ZNF385B: variants seen among roughly 807,000 people sequenced by gnomAD.
ZNF385B encodes zinc finger protein 533.
Under a neutral mutation model 39.2 loss-of-function variants are expected in ZNF385B, and 23 were observed. The observed-to-expected ratio is 0.59, with a 90% CI of 0.42 to 0.83. The LOEUF (loss-of-function observed/expected upper bound fraction) is 0.83. ZNF385B is among the 40% of genes least tolerant of loss of function. The pLI is 0.00. For synonymous variants in ZNF385B, 205 were observed against 222.6 expected (o/e 0.92, Z 0.70); for missense variants, 552 against 598.9 (o/e 0.92, Z 0.82).
chr2:179,677,747 C>G (rs935584299), intron 3 of ZNF385B, among the ~76,000 whole-genome samples: 6 of 152,126 alleles, frequency 3.9e-5, no homozygotes, highest in African/African-American at 1.4e-4. Flanking sequence ...AATCTCTCTT[C>G]TACATAAACA....
chr2:179,777,678 G>C (rs1704410332), intron 1 of ZNF385B, among the ~76,000 whole-genome samples: 1 of 151,724 alleles, frequency 6.6e-6, no homozygotes, highest in African/African-American at 2.4e-5. Flanking sequence ...CAAAAGACCA[G>C]CTTTGCTACC....
At chr2:179,662,769 A>G (rs193059416) in intron 3 of ZNF385B, among the ~76,000 whole-genome samples, 1 of 152,070 alleles carries the variant, frequency 6.6e-6, no homozygotes, top group East Asian at 1.9e-4. Flanking sequence ...TTCCACTAAT[A>G]TTTGCTTTTT....
At chr2:179,757,047 TAGAATTTTC>T (rs1703073361) in intron 3 of ZNF385B, among the ~76,000 whole-genome samples, 1 of 152,206 alleles carries the variant, frequency 6.6e-6, no homozygotes, top group South Asian at 2.1e-4. Flanking sequence ...CTCTGATTTT[TAGAATTTTC>T]AGCTTTTCTG....
rs900671429 is a variant in ZNF385B at position 179,610,302 on chromosome 2, T to C, written c.299-65333A>G. On this transcript the variant is annotated intron_variant, in intron 3 of 9. Transcript: ENST00000410066. ...ATTCAATTTTCTCAGCACAATTTAT[T>C]GAAGAGATTATTCTTTCCCCAATCT... is the stretch of plus-strand genomic sequence containing the variant. Among the ~76,000 whole-genome samples the C allele has an allele frequency of 4.6e-5, 7 of 152,210 alleles. 1 individual carries two copies. The highest frequency in any genetic ancestry group is 6.5e-5 in the Admixed American group (1 of 15,278).
chr2:179,556,759 A>G (rs2060931905), intron 3 of ZNF385B, among the ~76,000 whole-genome samples: 1 of 149,344 alleles, frequency 6.7e-6, no homozygotes, highest in Non-Finnish European at 1.5e-5. Context: ...AAACAGAGGA[A>G]CTACGTGTTG....
chr2:179,628,407 C>T (rs919816914), intron 3 of ZNF385B, among the ~76,000 whole-genome samples: 30 of 152,134 alleles, frequency 2.0e-4, no homozygotes, highest in African/African-American at 7.2e-4. Context: ...GAATGTCTTA[C>T]ATTTTGGATT....
intron 3 of ZNF385B, among the ~76,000 whole-genome samples, chr2:179,660,631 A>G (rs1694354751): frequency 6.6e-6 from 1 of 152,156 alleles, no homozygotes; most frequent in Non-Finnish European, 1.5e-5. Flanking sequence ...CGGTGCTATG[A>G]GCTTGAACCT....
At chr2:179,630,705 C>T (rs997165980) in intron 3 of ZNF385B, among the ~76,000 whole-genome samples, 3 of 152,194 alleles carry the variant, frequency 2.0e-5, no homozygotes, top group African/African-American at 4.8e-5. Flanking sequence ...TTCAGAAGGT[C>T]GGTCATAAAC....
In ZNF385B at chr2:179,443,369, G is replaced by A; in HGVS notation, c.1342C>T (p.Leu448Phe). The change falls in exon 10 of 10, where the codon CTC becomes TTC. Residue 448 changes from leucine (L) to phenylalanine (F), a missense_variant. Transcript: ENST00000410066. ...AGCGAGGCAGAGGGCCGGGGTGGGA[G>A]TGACAGCGCTGAGGACACGGCTGCC... ...AAAAVSSALS[L>F]PPRPSASLFQ... 1 of 1,612,390 alleles carries A rather than the reference G, an allele frequency of 6.2e-7. No homozygotes were observed. The highest frequency in any genetic ancestry group is 8.5e-7 in the Non-Finnish European group (1 of 1,179,408).
At chr2:179,646,186 G>A (rs991628951) in intron 3 of ZNF385B, among the ~76,000 whole-genome samples, 6 of 152,096 alleles carry the variant, frequency 3.9e-5, no homozygotes, top group Non-Finnish European at 8.8e-5. Flanking sequence ...AGGCCGAGGC[G>A]GGCAGATCAC....
intron 1 of ZNF385B, among the ~76,000 whole-genome samples, chr2:179,830,882 C>T (rs938082858): frequency 1.3e-5 from 2 of 152,134 alleles, no homozygotes; most frequent in African/African-American, 4.8e-5. Flanking sequence ...AATGCATCAA[C>T]ATTGTGTCAA....
At chr2:179,558,055 G>A (rs559689514) in intron 3 of ZNF385B, among the ~76,000 whole-genome samples, 1 of 152,102 alleles carries the variant, frequency 6.6e-6, no homozygotes, top group South Asian at 2.1e-4. Flanking sequence ...TTGTGTTGTT[G>A]GTTTTTATAC....
chr2:179,700,329 G>T (rs936606072), intron 3 of ZNF385B, among the ~76,000 whole-genome samples: 4 of 152,076 alleles, frequency 2.6e-5, no homozygotes, highest in African/African-American at 9.7e-5. Context: ...TCCATCGCTC[G>T]TATGGTATGG....
At chr2:179,813,089 C>T (rs1395244561) in intron 1 of ZNF385B, among the ~76,000 whole-genome samples, 1 of 152,106 alleles carries the variant, frequency 6.6e-6, no homozygotes. Context: ...ATGGTTTCTA[C>T]CTTTATTGAC....
chr2:179,538,136 C>T (rs145226239), intron 4 of ZNF385B, among the ~76,000 whole-genome samples: 4 of 152,118 alleles, frequency 2.6e-5, no homozygotes, highest in African/African-American at 9.6e-5. Flanking sequence ...TCAGTTCAAG[C>T]AGAGTCAGTT....
intron 3 of ZNF385B, among the ~76,000 whole-genome samples, chr2:179,750,558 C>T (rs189587452): frequency 3.3e-5 from 5 of 152,128 alleles, no homozygotes; most frequent in African/African-American, 7.2e-5. Flanking sequence ...CAAAGAAAAG[C>T]GGATGCCCTA....
chr2:179,780,246 T>G (rs1404009572), intron 1 of ZNF385B, among the ~76,000 whole-genome samples: 1 of 152,164 alleles, frequency 6.6e-6, no homozygotes, highest in African/African-American at 2.4e-5. Context: ...CAGCAGTACT[T>G]CCAGGGTCTC....
chr2:179,601,296 T>G (rs1241666959), intron 3 of ZNF385B, among the ~76,000 whole-genome samples: 1 of 152,148 alleles, frequency 6.6e-6, no homozygotes, highest in Non-Finnish European at 1.5e-5. Flanking sequence ...GAATGAGATT[T>G]TGAAGTTCAC....
Position 179,735,591 on chromosome 2 carries a change from A to G in ZNF385B, c.298+33912T>C, listed in dbSNP as rs1046718199. Among the ~76,000 whole-genome samples the G allele has an allele frequency of 2.2e-3, 323 of 144,848 alleles. 4 individuals are homozygous for G. Among genetic ancestry groups the G allele is most frequent in the African/African-American group, 7.9e-3 (310 of 39,332 alleles). On this transcript the variant is annotated intron_variant, in intron 3 of 9. Transcript: ENST00000410066. ...TAAAGACACATGCACACGTATGTTT[A>G]TTGCAGCATTATTCACAATAGCAAA...
Sources: gnomAD v4.1 joint callset for allele counts (sites outside exome capture counted in the v4.1 genomes callset) on GRCh38, gnomAD v4.1.1 for gene constraint, MANE v1.5 for transcripts, NCBI Gene and HGNC (gene_info 2026-07-23, HGNC 2026-07-21) for gene names.